GRID2: variants seen among roughly 807,000 people sequenced by gnomAD.
GRID2 encodes the protein glutamate ionotropic receptor delta type subunit 2.
Under a neutral mutation model 114.8 loss-of-function variants are expected in GRID2, and 33 were observed. That is an observed-to-expected ratio of 0.29 (90% confidence interval 0.22 to 0.38). The LOEUF (loss-of-function observed/expected upper bound fraction) is 0.38, where lower values mean the gene tolerates loss of function less well. Among genes scored for constraint, GRID2 ranks in the 10% least tolerant of loss-of-function variants. GRID2 has a pLI of 1.00. For synonymous variants in GRID2, 505 were observed against 449.9 expected (o/e 1.12, Z -1.55); for missense variants, 1,184 against 1,257.7 (o/e 0.94, Z 0.89).
chr4:93,218,568 TC>T (rs1433722622), intron 6 of GRID2, among the ~76,000 whole-genome samples: 4 of 152,100 alleles, frequency 2.6e-5, no homozygotes, highest in Non-Finnish European at 5.9e-5. Context: ...ATAACGTGCT[TC>T]TCTACCATTT....
chr4:92,676,539 T>C (rs567504275), intron 2 of GRID2, among the ~76,000 whole-genome samples: 106 of 152,090 alleles, frequency 7.0e-4, no homozygotes, highest in Non-Finnish European at 1.1e-3. Flanking sequence ...GTTGGTTTTA[T>C]TTGTTTCTTT....
At chr4:93,131,600 A>T (rs1734808027) in intron 4 of GRID2, among the ~76,000 whole-genome samples, 1 of 101,514 alleles carries the variant, frequency 9.9e-6, no homozygotes, top group Non-Finnish European at 1.8e-5. Context: ...AAAAATTAAA[A>T]ATTTTATTTA....
At chr4:93,582,708 GT>G (rs569936742) in intron 13 of GRID2, among the ~76,000 whole-genome samples, 20 of 151,324 alleles carry the variant, frequency 1.3e-4, no homozygotes, top group Admixed American at 7.9e-4. Context: ...ATGTATTTGT[GT>G]TTTTTTTAAT....
chr4:92,637,571 A>T (rs992048093), intron 2 of GRID2, among the ~76,000 whole-genome samples: 1 of 152,064 alleles, frequency 6.6e-6, no homozygotes, highest in Non-Finnish European at 1.5e-5. Context: ...TGAATTTCTA[A>T]TAAGACTAAT....
intron 9 of GRID2, among the ~76,000 whole-genome samples, chr4:93,407,779 TCCTCCTCGTCC>T: frequency 2.4e-5 from 2 of 82,604 alleles, no homozygotes; most frequent in African/African-American, 9.0e-5. Context: ...CTCCTCCTCA[TCCTCCTCGTCC>T]TCCTCCTCGT....
At chr4:93,386,014 A>AAT (rs1764279288) in intron 8 of GRID2, among the ~76,000 whole-genome samples, 1 of 152,144 alleles carries the variant, frequency 6.6e-6, no homozygotes, top group African/African-American at 2.4e-5. Context: ...ACCAAGTTTG[A>AAT]ATAGTTGAAG....
At chr4:92,614,229 T>C (rs769340773) in intron 2 of GRID2, among the ~76,000 whole-genome samples, 2 of 151,626 alleles carry the variant, frequency 1.3e-5, no homozygotes, top group Non-Finnish European at 3.0e-5. Flanking sequence ...AGTTCTACTT[T>C]ATGCTTCCAT....
intron 2 of GRID2, among the ~76,000 whole-genome samples, chr4:93,028,123 G>A (rs1463831392): frequency 1.3e-5 from 2 of 152,078 alleles, no homozygotes; most frequent in East Asian, 3.9e-4. Flanking sequence ...GCCAAGTACT[G>A]TTTTAGGCAT....
chr4:93,131,443 C>T (rs551001591), intron 4 of GRID2, among the ~76,000 whole-genome samples: 8 of 151,880 alleles, frequency 5.3e-5, no homozygotes, highest in African/African-American at 1.2e-4. Flanking sequence ...TGAGCCACCA[C>T]GCCTGCCCAA....
At chr4:92,623,311 T>A (rs1032457177) in intron 2 of GRID2, among the ~76,000 whole-genome samples, 5 of 151,180 alleles carry the variant, frequency 3.3e-5, no homozygotes, top group Non-Finnish European at 5.9e-5. Context: ...TTAGGATATA[T>A]ATATGACCTG....
chr4:92,569,927 ATACT>A (rs1727527468), intron 1 of GRID2, among the ~76,000 whole-genome samples: 1 of 151,844 alleles, frequency 6.6e-6, no homozygotes, highest in Non-Finnish European at 1.5e-5. Flanking sequence ...TACTCTGTTG[ATACT>A]TTCTTTTGCT....
chr4:93,154,488 C>A (rs1736996327), intron 4 of GRID2, among the ~76,000 whole-genome samples: 2 of 151,962 alleles, frequency 1.3e-5, no homozygotes, highest in Non-Finnish European at 2.9e-5. Context: ...ATTTTGAATA[C>A]CACTCCCGGA....
chr4:93,093,672 A>G (rs1025377127), intron 3 of GRID2, among the ~76,000 whole-genome samples: 1 of 151,866 alleles, frequency 6.6e-6, no homozygotes, highest in African/African-American at 2.4e-5. Flanking sequence ...GAATCTGAGC[A>G]TTTTCCCCTC....
At chr4:93,172,910 A>G (rs980723544) in intron 4 of GRID2, among the ~76,000 whole-genome samples, 1 of 151,900 alleles carries the variant, frequency 6.6e-6, no homozygotes, top group Non-Finnish European at 1.5e-5. Context: ...CACATCTTAA[A>G]CTTTTTTTTT....
chr4:92,936,824 C>T (rs1750708471), intron 2 of GRID2, among the ~76,000 whole-genome samples: 1 of 146,444 alleles, frequency 6.8e-6, no homozygotes, highest in South Asian at 2.3e-4. Flanking sequence ...CTCAAAGAAA[C>T]TTAGCCAAAT....
chr4:93,535,020 C>T (rs1390845392), intron 13 of GRID2, among the ~76,000 whole-genome samples: 2 of 151,856 alleles, frequency 1.3e-5, no homozygotes, highest in Non-Finnish European at 2.9e-5. Context: ...CTTCCCATTC[C>T]TCACCTCCAC....
chr4:92,700,852 C>T (rs1194070714), intron 2 of GRID2, among the ~76,000 whole-genome samples: 1 of 151,914 alleles, frequency 6.6e-6, no homozygotes, highest in African/African-American at 2.4e-5. Flanking sequence ...ATTAGCCGGG[C>T]GAGGTGGCAG....
At chr4:93,054,303 T>A (rs941219515) in intron 2 of GRID2, among the ~76,000 whole-genome samples, 18 of 151,496 alleles carry the variant, frequency 1.2e-4, no homozygotes, top group South Asian at 2.1e-4. Flanking sequence ...TGAACTTATT[T>A]GTAATTTTAT....
At chr4:93,474,467 A>G (rs910849357) in intron 11 of GRID2, among the ~76,000 whole-genome samples, 1 of 152,086 alleles carries the variant, frequency 6.6e-6, no homozygotes, top group Non-Finnish European at 1.5e-5. Flanking sequence ...AATAATGGGG[A>G]GTTTTTCTGA....
Sources: allele counts gnomAD v4.1 joint callset (sites outside exome capture counted in the v4.1 genomes callset), GRCh38; gene constraint gnomAD v4.1.1; transcripts MANE v1.5; gene names NCBI Gene and HGNC (gene_info 2026-07-23, HGNC 2026-07-21).